Variants in IL19 observed in about 807,000 individuals in gnomAD.
IL19 encodes interleukin 19.
Under a neutral mutation model 19.5 loss-of-function variants are expected in IL19, and 15 were observed. The ratio of observed to expected loss-of-function variants is 0.77; its 90% CI spans 0.52 to 1.19. The LOEUF (loss-of-function observed/expected upper bound fraction) is 1.19. Ranked by LOEUF, IL19 falls within the 50% of genes most tolerant of loss-of-function variation. The pLI, the probability that IL19 is intolerant of heterozygous loss-of-function variation, is 0.00. For synonymous variants in IL19, 78 were observed against 78.3 expected, an observed-to-expected ratio of 1.00 and a Z score of 0.02; for missense variants, 199 against 213.1, an observed-to-expected ratio of 0.93 and a Z score of 0.41.
intron 1 of IL19, 182 bp downstream of exon 1, chr1:206,771,260 G>A (rs1406029918): frequency 9.4e-6 from 12 of 1,277,728 alleles, no homozygotes; most frequent in African/African-American, 7.3e-5. Context: ...TTTTCAAAGC[G>A]AAGGAAACAA....
intron 5 of IL19, chr1:206,840,640 T>G (rs559672927): frequency 2.4e-5 from 5 of 212,418 alleles, no homozygotes; most frequent in Admixed American, 1.0e-4. Context: ...CCTAACCAGT[T>G]GTTTAATTAA....
chr1:206,826,697 G>C (rs1268691838), intron 2 of IL19, among the ~76,000 whole-genome samples: 2 of 152,152 alleles, frequency 1.3e-5, no homozygotes, highest in Non-Finnish European at 2.9e-5. Context: ...TTAACAATAA[G>C]AGGAAAAAAC....
chr1:206,797,280 G>A (rs1250046128), intron 1 of IL19, among the ~76,000 whole-genome samples: 1 of 5,956 alleles, frequency 1.7e-4, no homozygotes, highest in Admixed American at 2.4e-3. Flanking sequence ...TTGCTCAACT[G>A]GTGTAGAATT....
At chr1:206,780,085 G>A (rs1394009755) in intron 1 of IL19, among the ~76,000 whole-genome samples, 1 of 152,126 alleles carries the variant, frequency 6.6e-6, no homozygotes, top group African/African-American at 2.4e-5. Context: ...CAGCTCAGAT[G>A]TTCCTTCCTT....
chr1:206,808,305 G>A (rs1254295452), intron 2 of IL19, among the ~76,000 whole-genome samples: 11 of 152,248 alleles, frequency 7.2e-5, no homozygotes, highest in African/African-American at 2.7e-4. Context: ...ACTCCAGCCT[G>A]AGAAACAGAG....
chr1:206,800,765 G>T (rs1161379856), intron 2 of IL19, among the ~76,000 whole-genome samples: 3 of 152,226 alleles, frequency 2.0e-5, no homozygotes, highest in African/African-American at 7.2e-5. Flanking sequence ...AAAAAATATG[G>T]GGAAAAGAAT....
chr1:206,812,633 C>A (rs1444115580), intron 2 of IL19, among the ~76,000 whole-genome samples: 4 of 152,170 alleles, frequency 2.6e-5, no homozygotes, highest in Non-Finnish European at 5.9e-5. Flanking sequence ...TGGCTAAAGG[C>A]ATAACCACTG....
chr1:206,772,450 G>T (rs759073564), intron 1 of IL19: 5 of 1,613,650 alleles, frequency 3.1e-6, no homozygotes, highest in Non-Finnish European at 4.2e-6. Context: ...TCTTTTGCAA[G>T]TCTGTCTTGT....
At chr1:206,834,496 G>A in intron 2 of IL19, 2 of 941,300 alleles carry the variant, frequency 2.1e-6, no homozygotes, top group Middle Eastern at 5.4e-4. Flanking sequence ...TTACCATTGT[G>A]TATGGCTATG....
Position 206,830,789 on chromosome 1 carries a change from G to T in IL19, c.-2-5872G>T, listed in dbSNP as rs560321255. On this transcript the variant is annotated intron_variant, in intron 2 of 6. Transcript: ENST00000659997. ...AGACGGGGTTTCACCACATTGGCTA[G>T]GATGGTCTCGATCTCCTGACCTCGT... Among the ~76,000 whole-genome samples the T allele has an allele frequency of 3.9e-5, 6 of 152,304 alleles. No homozygotes were observed. The South Asian group carries it at 1.2e-3, about 32-fold the overall frequency.
chr1:206,840,065 T>C, intron 5 of IL19, 63 bp downstream of exon 5: 1 of 1,583,092 alleles, frequency 6.3e-7, no homozygotes, highest in Non-Finnish European at 8.7e-7. Context: ...GGCCAGGAAG[T>C]GCTGGCCCCC....
At chr1:206,780,443 A>G (rs1418189698) in intron 1 of IL19, among the ~76,000 whole-genome samples, 3 of 152,226 alleles carry the variant, frequency 2.0e-5, no homozygotes, top group Non-Finnish European at 2.9e-5. Context: ...TATAAAGTAG[A>G]AGTAGAGAAT....
Position 206,839,919 on chromosome 1 carries a change from C to A in IL19, c.280C>A (p.Gln94Lys). 11 of 1,614,114 alleles carry A rather than the reference C, an allele frequency of 6.8e-6. No individual in the cohort carries two copies. The highest frequency in any genetic ancestry group is 9.3e-6 in the Non-Finnish European group (11 of 1,179,968). ...CGTGGACAGGGTGTTCAAGGATCAT[C>A]AGGAGCCAAACCCCAAAATCTTGAG... ...FYVDRVFKDH[Q>K]EPNPKILRKI... The change falls in exon 5 of 7, where the codon CAG (glutamine) becomes AAG (lysine). Residue 94 changes from glutamine (Q) to lysine (K), a missense_variant. Physicochemically the swap from Gln to Lys is moderately conservative, Grantham distance 53 (BLOSUM62 1). Coordinates refer to ENST00000659997, the MANE Select transcript of IL19 (RefSeq NM_153758.5).
Position 206,842,625 on chromosome 1 carries a change from A to G in IL19, c.*3A>G. 1.3e-6 allele frequency: 2 copies of G among 1,519,352 alleles called. No individual in the cohort carries two copies. The highest frequency in any genetic ancestry group is 1.8e-6 in the Non-Finnish European group (2 of 1,113,206). 94.1% of individuals were successfully genotyped at this position (1,519,352 alleles called of 1,614,324 possible). ...ATGAAGTAATGTTCTCAGCTTGATG[A>G]CAAGGAACCTGTATAGTGATCCAGG... On this transcript the variant is annotated 3_prime_UTR_variant, in exon 7 of 7. Transcript: ENST00000659997.
chr1:206,822,135 G>T (rs1252917060), intron 2 of IL19, among the ~76,000 whole-genome samples: 1 of 152,188 alleles, frequency 6.6e-6, no homozygotes, highest in Non-Finnish European at 1.5e-5. Flanking sequence ...TGGGCAAGGG[G>T]GAAAGGGGAA....
At chr1:206,829,205 C>T (rs1016485794) in intron 2 of IL19, 3 of 152,068 alleles carry the variant, frequency 2.0e-5, no homozygotes, top group Non-Finnish European at 2.9e-5. Context: ...TATGCATGGC[C>T]AGATTTAGCA....
chr1:206,830,879 C>T (rs569535014), intron 2 of IL19, among the ~76,000 whole-genome samples: 59 of 152,202 alleles, frequency 3.9e-4, no homozygotes, highest in African/African-American at 1.3e-3. Flanking sequence ...TCCTGGCCTA[C>T]GTTTCTTTTT....
intron 2 of IL19, chr1:206,834,146 A>C: frequency 3.0e-6 from 3 of 985,558 alleles, no homozygotes; most frequent in Non-Finnish European, 3.6e-6. Flanking sequence ...TAGAAGCTGC[A>C]TGTCAAGACC....
At chr1:206,778,535 A>AG (rs1248325642) in intron 1 of IL19, among the ~76,000 whole-genome samples, 1 of 152,130 alleles carries the variant, frequency 6.6e-6, no homozygotes, top group Non-Finnish European at 1.5e-5. Flanking sequence ...ATATCCAAGC[A>AG]GGGCTGGGTT....
Sources: allele counts gnomAD v4.1 joint callset (sites outside exome capture counted in the v4.1 genomes callset), GRCh38; gene constraint gnomAD v4.1.1; transcripts MANE v1.5; gene names NCBI Gene and HGNC (gene_info 2026-07-23, HGNC 2026-07-21).